Variants in DMD observed in about 807,000 individuals in gnomAD.
DMD encodes dystrophin.
In DMD, 63 loss-of-function variants were observed where a neutral mutation model predicts 330.1. The ratio of observed to expected loss-of-function variants is 0.19; its 90% CI spans 0.16 to 0.24. DMD has a LOEUF of 0.24. Among genes scored for constraint, DMD ranks in the 10% least tolerant of loss-of-function variants. The probability of loss-of-function intolerance (pLI) is 1.00; values close to 1 mark genes in which losing one functional copy is unlikely to be tolerated. For missense variants in DMD, 3,344 were observed against 2,684.1 expected, an observed-to-expected ratio of 1.25 and a Z score of -5.43; for synonymous variants, 1,223 against 959.8, an observed-to-expected ratio of 1.27 and a Z score of -5.07.
rs755438356 is a variant in DMD at position 31,222,959 on chromosome X, C to A, written c.9361+88G>T. ...ACAGGAATTGTGACAGCTGTTTCTC[C>A]CCTCTCTAAGTAAAAATGTACCCAA... On this transcript the variant is annotated intron_variant, in intron 64 of 78. Transcript: ENST00000357033. 36 of 789,985 alleles carry A rather than the reference C, an allele frequency of 4.6e-5. No individual in the cohort carries two copies. In the African/African-American group the frequency reaches 6.7e-4, roughly 15 times the overall value. The allele number at this position is 789,985 out of a possible 1,213,427, so 65.1% of individuals were successfully genotyped here.
chrX:31,476,420 T>TAC (rs1167527887), intron 59 of DMD, among the ~76,000 whole-genome samples: 63 of 91,953 alleles, frequency 6.9e-4, no homozygotes, highest in East Asian at 2.8e-3. Flanking sequence ...TATATATATA[T>TAC]ACACACACAC....
chrX:33,038,130 G>A (rs1301657117), intron 1 of DMD, among the ~76,000 whole-genome samples: 2 of 112,080 alleles, frequency 1.8e-5, no homozygotes, highest in East Asian at 5.6e-4. Context: ...ACATAATAAA[G>A]AGGGTATTTG....
chrX:32,348,786 T>G lies in DMD; in HGVS notation c.5326-258A>C, dbSNP rs72468628. 0.017 allele frequency among the ~76,000 whole-genome samples: 1,878 copies of G among 111,463 alleles called. 18 individuals are homozygous for G. The highest frequency in any genetic ancestry group is 0.027 in the Non-Finnish European group (1,429 of 52,821). On this transcript the variant is annotated intron_variant, in intron 37 of 78. Coordinates refer to ENST00000357033, the MANE Select transcript of DMD (RefSeq NM_004006.3). ...CATCATTTGGTGATATCAACAACAGTCAATTTACAGATACATTTGAATGGG... is the reference window on the plus strand; with the variant it reads ...CATCATTTGGTGATATCAACAACAGGCAATTTACAGATACATTTGAATGGG...
chrX:31,447,791 G>C (rs992162851), intron 59 of DMD, among the ~76,000 whole-genome samples: 1 of 109,670 alleles, frequency 9.1e-6, no homozygotes, highest in Non-Finnish European at 1.9e-5. Context: ...TGGATCACTT[G>C]AGGTCAGCAG....
chrX:33,322,927 C>T (rs1288213792), intron 1 of DMD, among the ~76,000 whole-genome samples: 2 of 110,871 alleles, frequency 1.8e-5, no homozygotes, highest in Non-Finnish European at 3.8e-5. Flanking sequence ...TACTTTATGT[C>T]GTTTTTATTC....
At chrX:32,066,357 G>A (rs1029405467) in intron 44 of DMD, among the ~76,000 whole-genome samples, 9 of 111,320 alleles carry the variant, frequency 8.1e-5, no homozygotes, top group South Asian at 7.4e-4. Context: ...ACTGACCATC[G>A]AACTGTTCTA....
intron 1 of DMD, among the ~76,000 whole-genome samples, chrX:33,197,249 G>A (rs148737517): frequency 0.01 from 1,145 of 111,856 alleles, 14 homozygotes; most frequent in African/African-American, 0.035. Context: ...TTTTTATTTT[G>A]CAATCATTAT....
chrX:33,209,726 T>C (rs2051783856), intron 1 of DMD, among the ~76,000 whole-genome samples: 1 of 111,279 alleles, frequency 9.0e-6, no homozygotes, highest in African/African-American at 3.2e-5. Context: ...ATTTTTTAAA[T>C]GCAGCGTGAA....
At chrX:31,397,814 T>C (rs756446906) in intron 60 of DMD, among the ~76,000 whole-genome samples, 5 of 111,847 alleles carry the variant, frequency 4.5e-5, no homozygotes, top group Non-Finnish European at 9.4e-5. Flanking sequence ...GAGAAAAGCA[T>C]AGGAACTGCA....
In DMD at chrX:31,121,667, ATT is replaced by A; in HGVS notation, c.*250_*251del. ...ATTGCATAGACGTGTAAAACCTGCC[ATT>A]GTTAACAAAACAATAACAGACTTAG... On this transcript the variant is annotated 3_prime_UTR_variant, in exon 79 of 79. Coordinates refer to ENST00000357033, the MANE Select transcript of DMD (RefSeq NM_004006.3). 2.3e-6 allele frequency: 1 copy of A among 441,393 alleles called. No homozygotes were observed. The highest frequency in any genetic ancestry group is 3.9e-6 in the Non-Finnish European group (1 of 255,860). 36.4% of individuals were successfully genotyped at this position (441,393 alleles called of 1,213,427 possible).
intron 61 of DMD, among the ~76,000 whole-genome samples, chrX:31,334,937 G>A (rs146492426): frequency 2.2e-4 from 24 of 111,267 alleles, no homozygotes; most frequent in African/African-American, 7.8e-4. Flanking sequence ...TCCTCCACCT[G>A]GAACACTTTG....
chrX:32,697,417 A>G (rs1212972119), intron 9 of DMD, among the ~76,000 whole-genome samples: 1 of 112,172 alleles, frequency 8.9e-6, no homozygotes, highest in Non-Finnish European at 1.9e-5. Context: ...TACATAGAAT[A>G]TATATTTTAG....
At chrX:33,082,244 T>C (rs1331241284) in intron 1 of DMD, among the ~76,000 whole-genome samples, 1 of 112,243 alleles carries the variant, frequency 8.9e-6, no homozygotes, top group Non-Finnish European at 1.9e-5. Flanking sequence ...TTAACCATAG[T>C]GCTCTTTAAA....
chrX:32,219,444 C>A (rs1295681962), intron 43 of DMD, among the ~76,000 whole-genome samples: 1 of 111,874 alleles, frequency 8.9e-6, no homozygotes, highest in African/African-American at 3.2e-5. Context: ...ACTATATTTT[C>A]TTATATAATT....
At chrX:33,210,745 C>G (rs1399154195) in intron 1 of DMD, among the ~76,000 whole-genome samples, 1 of 111,422 alleles carries the variant, frequency 9.0e-6, no homozygotes, top group East Asian at 2.8e-4. Context: ...TTTATCAATA[C>G]TTTTCACATC....
Position 31,284,870 on chromosome X carries a change from C to A in DMD, c.9225-23854G>T, listed in dbSNP as rs369819349. Among the ~76,000 whole-genome samples the A allele has an allele frequency of 9.0e-3, 905 of 100,151 alleles. 14 individuals carry two copies. The highest frequency in any genetic ancestry group is 0.031 in the African/African-American group (847 of 26,923). 87.0% of individuals were successfully genotyped at this position (100,151 alleles called of 115,157 possible). On this transcript the variant is annotated intron_variant, in intron 62 of 78. Transcript: ENST00000357033. ...CACACACACACACACACACCCACAC[C>A]CACACACGCAAAGTATGTATTCTTT... is the stretch of plus-strand genomic sequence containing the variant.
chrX:31,976,962 T>C (rs1024136988), intron 44 of DMD, among the ~76,000 whole-genome samples: 5 of 111,959 alleles, frequency 4.5e-5, no homozygotes, highest in Non-Finnish European at 7.5e-5. Context: ...TAAGCTTGTA[T>C]TTTCTTGTCA....
At chrX:32,791,360 A>G (rs2075807674) in intron 7 of DMD, among the ~76,000 whole-genome samples, 2 of 111,445 alleles carry the variant, frequency 1.8e-5, no homozygotes, top group African/African-American at 6.5e-5. Flanking sequence ...GCCTGGACAC[A>G]CTAACATCAA....
chrX:32,631,970 C>A (rs780035777), intron 11 of DMD, among the ~76,000 whole-genome samples: 8 of 111,331 alleles, frequency 7.2e-5, no homozygotes, highest in Admixed American at 2.9e-4. Flanking sequence ...CAAACAGTCC[C>A]CCAAGGTCTT....
Sources: allele counts gnomAD v4.1 joint callset (sites outside exome capture counted in the v4.1 genomes callset), GRCh38; gene constraint gnomAD v4.1.1; transcripts MANE v1.5; gene names NCBI Gene and HGNC (gene_info 2026-07-23, HGNC 2026-07-21).